The following EPHB1 variants were observed in gnomAD, a reference collection of about 807,000 sequenced individuals.
EPHB1 encodes the protein ephrin type-B receptor 1.
EPHB1 carries 30 observed loss-of-function variants against 94.4 expected under a neutral mutation model. That is an observed-to-expected ratio of 0.32 (90% CI 0.24 to 0.43). The LOEUF is 0.43. Ranked by LOEUF, EPHB1 falls within the 20% of genes least tolerant of loss-of-function variation. The probability of loss-of-function intolerance (pLI) is 1.00; values close to 1 mark genes in which losing one functional copy is unlikely to be tolerated. For synonymous variants in EPHB1, 522 were observed against 489.1 expected (o/e 1.07, Z -0.89); for missense variants, 1,055 against 1,308.3 (o/e 0.81, Z 2.99).
intron 1 of EPHB1, among the ~76,000 whole-genome samples, chr3:134,917,315 C>T (rs1166952842): frequency 6.6e-6 from 1 of 152,206 alleles, no homozygotes; most frequent in African/African-American, 2.4e-5. Context: ...AAGCTGATTC[C>T]CAGCCTTACA....
intron 1 of EPHB1, among the ~76,000 whole-genome samples, chr3:134,906,791 G>A (rs541002682): frequency 2.0e-5 from 3 of 152,310 alleles, no homozygotes; most frequent in African/African-American, 7.2e-5. Flanking sequence ...TCCTGGGTTG[G>A]GCTGGAGGAC....
At position 135,226,423 on chromosome 3, in the gene EPHB1, C is replaced by T. The variant is rs573387352; in HGVS notation, c.2347-14725C>T. 2.0e-5 allele frequency among the ~76,000 whole-genome samples: 3 copies of T among 152,360 alleles called. No homozygotes were observed. The South Asian group carries it at 6.2e-4, about 32-fold the overall frequency. ...AAGAAATTCACGAACGAGTGACAGA[C>T]ATGCCCCTGGAGATCTGAGATATCA... On this transcript the variant is annotated intron_variant, in intron 12 of 15. Coordinates refer to ENST00000398015, the MANE Select transcript of EPHB1 (RefSeq NM_004441.5).
At chr3:134,908,502 C>G (rs1381979101) in intron 1 of EPHB1, among the ~76,000 whole-genome samples, 1 of 152,230 alleles carries the variant, frequency 6.6e-6, no homozygotes, top group Non-Finnish European at 1.5e-5. Flanking sequence ...GGCAATAGGG[C>G]TTTTGTGAGT....
chr3:135,112,066 C>T (rs569527425), intron 4 of EPHB1, among the ~76,000 whole-genome samples: 1 of 152,314 alleles, frequency 6.6e-6, no homozygotes, highest in East Asian at 1.9e-4. Flanking sequence ...GGGAGAGAAG[C>T]GAATGGAAAC....
chr3:135,075,222 C>A (rs1190108536), intron 3 of EPHB1, among the ~76,000 whole-genome samples: 1 of 152,146 alleles, frequency 6.6e-6, no homozygotes, highest in African/African-American at 2.4e-5. Context: ...GTCAATGTTG[C>A]GCTTTCTGGA....
chr3:134,807,496 T>G (rs1578101044), intron 1 of EPHB1, among the ~76,000 whole-genome samples: 2 of 10,552 alleles, frequency 1.9e-4, no homozygotes, highest in South Asian at 1.5e-3. Flanking sequence ...GGGGAAGGAG[T>G]GTGTGTGTGT....
intron 2 of EPHB1, among the ~76,000 whole-genome samples, chr3:134,930,466 C>G (rs1169426427): frequency 2.0e-5 from 3 of 152,222 alleles, no homozygotes; most frequent in African/African-American, 7.2e-5. Context: ...AGGCTGAGCT[C>G]CCACTAACGG....
At chr3:135,040,258 A>T (rs6770516) in intron 3 of EPHB1, among the ~76,000 whole-genome samples, 18,275 of 152,244 alleles carry the variant, frequency 0.12, 1,401 homozygotes, top group African/African-American at 0.21. Flanking sequence ...GAGATTCGAG[A>T]TACATACACT....
chr3:135,061,372 C>CCCG lies in EPHB1; in HGVS notation c.806-45074_806-45073insGCC, dbSNP rs1553727880. Among the ~76,000 whole-genome samples the CCCG allele has an allele frequency of 1.5e-4, 19 of 130,166 alleles. 3 individuals carry two copies. Among genetic ancestry groups the CCCG allele is most frequent in the Admixed American group, 1.1e-3 (14 of 12,440 alleles). 85.4% of individuals were successfully genotyped at this position (130,166 alleles called of 152,430 possible). Reference sequence around the variant, plus strand: ...AGCTCCCACTTAGGAATGACCACCCCCCCCGACCCAAGTCCCCAAAGTCCA... The same window carrying CCCG: ...AGCTCCCACTTAGGAATGACCACCCCCCGCCCCGACCCAAGTCCCCAAAGTCCA... On this transcript the variant is annotated intron_variant, in intron 3 of 15. Transcript: ENST00000398015.
chr3:134,807,598 T>C (rs1560241906), intron 1 of EPHB1, among the ~76,000 whole-genome samples: 2 of 151,810 alleles, frequency 1.3e-5, no homozygotes, highest in Non-Finnish European at 2.9e-5. Context: ...TGGTTATGAT[T>C]ATATCCAGGG....
intron 3 of EPHB1, among the ~76,000 whole-genome samples, chr3:135,068,372 G>A (rs1267041773): frequency 1.3e-5 from 2 of 152,052 alleles, no homozygotes; most frequent in Non-Finnish European, 2.9e-5. Context: ...CTTCCCTGTA[G>A]GTATGAAGTG....
intron 1 of EPHB1, among the ~76,000 whole-genome samples, chr3:134,816,313 C>A (rs1265601819): frequency 6.6e-6 from 1 of 151,884 alleles, no homozygotes; most frequent in Non-Finnish European, 1.5e-5. Flanking sequence ...AGGCTGGTTT[C>A]GAACTCCTGA....
intron 1 of EPHB1, among the ~76,000 whole-genome samples, chr3:134,918,111 C>G (rs933304296): frequency 4.6e-5 from 7 of 152,224 alleles, no homozygotes; most frequent in African/African-American, 1.4e-4. Flanking sequence ...GCTCTGTGCT[C>G]TGAAGTTACT....
At chr3:134,888,173 C>T (rs538223330) in intron 1 of EPHB1, among the ~76,000 whole-genome samples, 1 of 152,304 alleles carries the variant, frequency 6.6e-6, no homozygotes, top group African/African-American at 2.4e-5. Flanking sequence ...GCTGCCCTTT[C>T]ATCACAGGGG....
intron 12 of EPHB1, among the ~76,000 whole-genome samples, chr3:135,212,969 C>G (rs890940253): frequency 1.3e-5 from 2 of 152,230 alleles, no homozygotes; most frequent in African/African-American, 4.8e-5. Context: ...GACCTCTCTA[C>G]TCCATCTTAA....
chr3:135,142,576 A>G (rs1940863483), intron 5 of EPHB1, among the ~76,000 whole-genome samples: 1 of 152,248 alleles, frequency 6.6e-6, no homozygotes. Flanking sequence ...AAAGGCCAAG[A>G]GTGCCAGATG....
chr3:135,248,179 G>C, intron 13 of EPHB1, 137 bp from the exon 14 acceptor site: 2 of 729,276 alleles, frequency 2.7e-6, no homozygotes, highest in Non-Finnish European at 4.2e-6. Flanking sequence ...ATCCATTACA[G>C]CGGAAGGTGT....
chr3:135,106,410 A>C (rs1419263312), intron 3 of EPHB1, 38 bp from the exon 4 acceptor site: 1 of 1,609,740 alleles, frequency 6.2e-7, no homozygotes, highest in Admixed American at 1.7e-5. Context: ...TGGCTGCCAC[A>C]CTTCCATTAA....
intron 9 of EPHB1, among the ~76,000 whole-genome samples, chr3:135,176,352 C>T (rs1941977867): frequency 1.3e-5 from 2 of 152,180 alleles, no homozygotes; most frequent in Admixed American, 1.3e-4. Context: ...ATGCTTTCCT[C>T]AATTTCAGGG....
Sources: gnomAD v4.1 joint callset for allele counts (sites outside exome capture counted in the v4.1 genomes callset) on GRCh38, gnomAD v4.1.1 for gene constraint, MANE v1.5 for transcripts, NCBI Gene and HGNC (gene_info 2026-07-23, HGNC 2026-07-21) for gene names.